ENPP6: variants seen among roughly 807,000 people sequenced by gnomAD.
ENPP6 encodes ectonucleotide pyrophosphatase/phosphodiesterase 6.
In ENPP6, 32 loss-of-function variants were observed where a neutral mutation model predicts 42.0. The ratio of observed to expected loss-of-function variants is 0.76; its 90% confidence interval spans 0.58 to 1.02. The LOEUF is 1.02. ENPP6 is among the 50% of genes least tolerant of loss of function. The probability of loss-of-function intolerance (pLI) is 0.00; values close to 1 mark genes in which losing one functional copy is unlikely to be tolerated. For missense variants in ENPP6, 552 were observed against 566.8 expected (o/e 0.97, Z 0.27); for synonymous variants, 213 against 216.0 (o/e 0.99, Z 0.12).
intron 1 of ENPP6, among the ~76,000 whole-genome samples, chr4:184,213,359 C>G (rs1399952918): frequency 2.7e-5 from 4 of 150,562 alleles, no homozygotes; most frequent in Non-Finnish European, 5.9e-5. Flanking sequence ...GGGCTAATAT[C>G]CAGAATCTAC....
chr4:184,146,343 T>C (rs1736920061), intron 2 of ENPP6, among the ~76,000 whole-genome samples: 1 of 151,560 alleles, frequency 6.6e-6, no homozygotes, highest in Non-Finnish European at 1.5e-5. Context: ...AGGCAGAGAA[T>C]TGCTTGAACC....
chr4:184,185,062 G>T (rs1411643580), intron 1 of ENPP6, among the ~76,000 whole-genome samples: 2 of 152,192 alleles, frequency 1.3e-5, no homozygotes, highest in African/African-American at 2.4e-5. Context: ...CTGAACCGAT[G>T]AATTGTATGA....
chr4:184,208,743 T>A (rs1470557076), intron 1 of ENPP6, among the ~76,000 whole-genome samples: 2 of 145,964 alleles, frequency 1.4e-5, no homozygotes, highest in Admixed American at 6.8e-5. Flanking sequence ...CCACCACAGC[T>A]CAAGGAGGCC....
At chr4:184,188,593 G>A (rs756436927) in intron 1 of ENPP6, among the ~76,000 whole-genome samples, 9 of 152,172 alleles carry the variant, frequency 5.9e-5, no homozygotes, top group South Asian at 4.1e-4. Flanking sequence ...GGCATCTCAC[G>A]TGAGAGGGAA....
intron 1 of ENPP6, among the ~76,000 whole-genome samples, chr4:184,182,944 A>G (rs150422393): frequency 6.6e-4 from 101 of 152,328 alleles, no homozygotes; most frequent in African/African-American, 2.4e-3. Flanking sequence ...AGGTGCAGCC[A>G]ACCACCATGG....
At chr4:184,127,767 T>C (rs903265259) in intron 2 of ENPP6, among the ~76,000 whole-genome samples, 7 of 152,168 alleles carry the variant, frequency 4.6e-5, no homozygotes, top group Non-Finnish European at 1.0e-4. Flanking sequence ...CCAAATAATT[T>C]TTAAAAAATC....
chr4:184,152,894 G>A (rs1251365970), intron 2 of ENPP6, among the ~76,000 whole-genome samples: 1 of 151,460 alleles, frequency 6.6e-6, no homozygotes, highest in Non-Finnish European at 1.5e-5. Flanking sequence ...CAATATTGTA[G>A]AGGAGCTCAA....
intron 1 of ENPP6, among the ~76,000 whole-genome samples, chr4:184,162,588 AGAGG>A (rs1404451633): frequency 9.4e-5 from 10 of 106,366 alleles, no homozygotes; most frequent in Admixed American, 5.7e-4. Flanking sequence ...AGGAAGGAAG[AGAGG>A]GAGGGAGGGA....
At chr4:184,159,602 C>A (rs1236285667) in intron 1 of ENPP6, among the ~76,000 whole-genome samples, 5 of 152,138 alleles carry the variant, frequency 3.3e-5, no homozygotes, top group Non-Finnish European at 7.3e-5. Flanking sequence ...ACTGTGGTAA[C>A]TGAAATTTGA....
intron 1 of ENPP6, among the ~76,000 whole-genome samples, chr4:184,173,125 G>A (rs773048050): frequency 1.6e-4 from 24 of 152,062 alleles, no homozygotes; most frequent in Middle Eastern, 3.4e-3. Context: ...AGGCTGTCTC[G>A]AACTCCTGAC....
rs913463628 is a variant in ENPP6 at position 184,209,186 on chromosome 4, C to T, written c.241+8393G>A. Among the ~76,000 whole-genome samples the T allele has an allele frequency of 9.9e-5, 15 of 151,790 alleles. 1 individual carries two copies. Among genetic ancestry groups the T allele is most frequent in the African/African-American group, 3.6e-4 (15 of 41,276 alleles). On this transcript the variant is annotated intron_variant, in intron 1 of 7. Transcript: ENST00000296741. ...CTCTAAAAAGCAGAGCGCCTCTCCTCTTCCAAAGGAACGCAGCTCCTCACC... is the reference window on the plus strand; with the variant it reads ...CTCTAAAAAGCAGAGCGCCTCTCCTTTTCCAAAGGAACGCAGCTCCTCACC...
chr4:184,091,016 G>A lies in ENPP6; in HGVS notation c.*161C>T. On this transcript the variant is annotated 3_prime_UTR_variant, in exon 8 of 8. Transcript: ENST00000296741. The stretch of plus-strand genomic sequence containing the variant: ...GGTTTGTATCTTTTTTAACAAGTAG[G>A]AACTTTTATGTATAGAATTATCCAA... 1.6e-6 allele frequency: 1 copy of A among 620,052 alleles called. No individual in the cohort carries two copies. The highest frequency in any genetic ancestry group is 2.4e-6 in the Non-Finnish European group (1 of 413,474). The allele number at this position is 620,052 out of a possible 1,614,324, so 38.4% of individuals were successfully genotyped here. A position where few individuals can be genotyped will look rare whatever the true frequency, so the allele number is the denominator to read the frequency against.
chr4:184,192,856 A>G (rs1732728808), intron 1 of ENPP6, among the ~76,000 whole-genome samples: 1 of 152,234 alleles, frequency 6.6e-6, no homozygotes, highest in Admixed American at 6.5e-5. Flanking sequence ...AATGCTCAAC[A>G]TCATTAGTTT....
chr4:184,146,748 T>C (rs762733293), intron 2 of ENPP6, among the ~76,000 whole-genome samples: 25 of 152,168 alleles, frequency 1.6e-4, no homozygotes, highest in Non-Finnish European at 3.2e-4. Flanking sequence ...TCAGATGGGA[T>C]GGGGCCCTCA....
intron 1 of ENPP6, among the ~76,000 whole-genome samples, chr4:184,175,682 T>C (rs1177651968): frequency 2.0e-5 from 3 of 152,190 alleles, no homozygotes; most frequent in South Asian, 2.1e-4. Flanking sequence ...TGAGATCTTG[T>C]TCTGGAGTAT....
chr4:184,155,250 G>A (rs967317754), intron 1 of ENPP6, among the ~76,000 whole-genome samples: 1 of 152,156 alleles, frequency 6.6e-6, no homozygotes, highest in Non-Finnish European at 1.5e-5. Flanking sequence ...ATCATATTAA[G>A]AGAGCCCCTC....
chr4:184,208,686 C>A (rs1420251152), intron 1 of ENPP6, among the ~76,000 whole-genome samples: 1 of 148,888 alleles, frequency 6.7e-6, no homozygotes, highest in Non-Finnish European at 1.5e-5. Context: ...ATTGCCCAGG[C>A]TTGCTTAGGT....
At chr4:184,164,253 G>A (rs988575157) in intron 1 of ENPP6, among the ~76,000 whole-genome samples, 1 of 152,158 alleles carries the variant, frequency 6.6e-6, no homozygotes, top group African/African-American at 2.4e-5. Flanking sequence ...AGATAAAAAT[G>A]GTCCATGCAC....
In ENPP6 at chr4:184,101,344, GTGTGTGTA is replaced by G. The variant is rs773350050; in HGVS notation, c.994-3984_994-3977del. Among the ~76,000 whole-genome samples, 463 of 113,276 alleles carry G rather than the reference GTGTGTGTA, an allele frequency of 4.1e-3. 5 individuals carry two copies. Among genetic ancestry groups the G allele is most frequent in the African/African-American group, 0.011 (338 of 29,500 alleles). 74.3% of individuals were successfully genotyped at this position (113,276 alleles called of 152,430 possible). ...TGTGTGTGTGTGTGTGTGTGTGTGT[GTGTGTGTA>G]GCACTGGGGTAGGGAGATGGGGAGG... is the stretch of plus-strand genomic sequence containing the variant. On this transcript the variant is annotated intron_variant, in intron 6 of 7. Transcript: ENST00000296741.
Sources: gnomAD v4.1 joint callset for allele counts (sites outside exome capture counted in the v4.1 genomes callset) on GRCh38, gnomAD v4.1.1 for gene constraint, MANE v1.5 for transcripts, NCBI Gene and HGNC (gene_info 2026-07-23, HGNC 2026-07-21) for gene names.